LHCGR: variants seen among roughly 807,000 people sequenced by gnomAD.
LHCGR encodes the protein luteinizing hormone/choriogonadotropin receptor, also known as lutropin-choriogonadotropic hormone receptor.
LHCGR carries 55 observed loss-of-function variants against 60.7 expected under a neutral mutation model. The ratio of observed to expected loss-of-function variants is 0.91; its 90% CI spans 0.73 to 1.13. The LOEUF is 1.13. Among genes scored for constraint, LHCGR ranks in the 50% most tolerant of loss-of-function variants. The pLI is 0.00. For synonymous variants in LHCGR, 337 were observed against 316.5 expected, an observed-to-expected ratio of 1.06 and a Z score of -0.69; for missense variants, 862 against 836.0, an observed-to-expected ratio of 1.03 and a Z score of -0.38.
In LHCGR at chr2:48,687,973, C is replaced by G. The variant is rs1237575970; in HGVS notation, c.1824G>C (p.Leu608=). The G allele has an allele frequency of 6.2e-7, 1 of 1,614,046 alleles. No homozygotes were observed. Among genetic ancestry groups the G allele is most frequent in the African/African-American group, 1.3e-5 (1 of 75,000 alleles). ...AAGAATTGATGGGATAAAAAAGAACCAGTAAAACTTTAGAGTTGGTTACTG... is the reference window on the plus strand; with the variant it reads ...AAGAATTGATGGGATAAAAAAGAACGAGTAAAACTTTAGAGTTGGTTACTG... ...LITVTNSKVL[L]VLFYPINSCA... is the part of the protein sequence containing the mutation. Residue 608 remains leucine (L), a synonymous_variant, in exon 11 of 11, where the codon CTG becomes CTC. Transcript: ENST00000294954.
chr2:48,745,721 A>C (rs1365967959), intron 1 of LHCGR, among the ~76,000 whole-genome samples: 1 of 147,278 alleles, frequency 6.8e-6, no homozygotes, highest in Non-Finnish European at 1.5e-5. Context: ...GGGGAGGGAT[A>C]GCGTTGGGAG....
At chr2:48,725,573 A>G in intron 4 of LHCGR, 103 bp downstream of exon 4, 1 of 816,548 alleles carries the variant, frequency 1.2e-6, no homozygotes, top group South Asian at 1.4e-5. Context: ...AAATAGTGCC[A>G]TGTATATGGT....
intron 1 of LHCGR, among the ~76,000 whole-genome samples, chr2:48,740,812 C>T (rs985419849): frequency 4.6e-5 from 7 of 152,220 alleles, no homozygotes; most frequent in African/African-American, 1.7e-4. Context: ...AACGCAGTTT[C>T]TCACCAGCAA....
At chr2:48,708,268 C>T (rs1190090078) in intron 8 of LHCGR, among the ~76,000 whole-genome samples, 1 of 152,158 alleles carries the variant, frequency 6.6e-6, no homozygotes, top group African/African-American at 2.4e-5. Context: ...AACCAAGTGC[C>T]AGGGGCATGC....
chr2:48,722,074 C>A (rs539478550), intron 6 of LHCGR, among the ~76,000 whole-genome samples: 1 of 152,262 alleles, frequency 6.6e-6, no homozygotes, highest in African/African-American at 2.4e-5. Context: ...CACTTGAACC[C>A]AGGAGGCAGA....
intron 1 of LHCGR, among the ~76,000 whole-genome samples, chr2:48,733,694 G>A (rs1669100916): frequency 6.6e-6 from 1 of 152,096 alleles, no homozygotes; most frequent in African/African-American, 2.4e-5. Flanking sequence ...CACAACAGAT[G>A]TGTTCCCATG....
rs1244697101 is a variant in LHCGR, at chr2:48,755,622, A to C, written c.50T>G (p.Leu17Arg). The C allele has an allele frequency of 1.3e-6, 2 of 1,512,140 alleles. No individual in the cohort carries two copies. Among genetic ancestry groups the C allele is most frequent in the Non-Finnish European group, 8.9e-7 (1 of 1,127,362 alleles). 93.7% of individuals were successfully genotyped at this position (1,512,140 alleles called of 1,614,324 possible). A position where few individuals can be genotyped will look rare whatever the true frequency, so the allele number is the denominator to read the frequency against. ...CAGCGCTCGTGGCAGCGGCGGCTGC[A>C]GCAGCAGCAGCAGCTTCAGCAGCTG... ...ALQLLKLLLLLQPPLPRALRE... is the reference protein window; with the variant it reads ...ALQLLKLLLLRQPPLPRALRE... The change falls in exon 1 of 11, where the codon CTG (leucine) becomes CGG (arginine). Residue 17 changes from leucine (L) to arginine (R), a missense_variant. Leu to Arg is a moderately radical substitution (Grantham distance 102, BLOSUM62 -2). Coordinates refer to ENST00000294954, the MANE Select transcript of LHCGR (RefSeq NM_000233.4).
chr2:48,708,178 CT>C (rs1186192399), intron 8 of LHCGR, among the ~76,000 whole-genome samples: 1 of 152,154 alleles, frequency 6.6e-6, no homozygotes, highest in Non-Finnish European at 1.5e-5. Context: ...CCCATGTATC[CT>C]TTAAAACCCC....
At chr2:48,689,157 A>T (rs928928264) in intron 10 of LHCGR, among the ~76,000 whole-genome samples, 2 of 151,022 alleles carry the variant, frequency 1.3e-5, no homozygotes, top group African/African-American at 4.9e-5. Flanking sequence ...ATATACATAT[A>T]TACACACATA....
chr2:48,729,057 TC>T, intron 3 of LHCGR, 95 bp downstream of exon 3: 1 of 979,132 alleles, frequency 1.0e-6, no homozygotes, highest in Non-Finnish European at 1.6e-6. Context: ...CCTTTTGGAT[TC>T]CTAGCAGTGG....
intron 6 of LHCGR, among the ~76,000 whole-genome samples, chr2:48,722,204 G>T (rs922155548): frequency 4.6e-5 from 7 of 152,128 alleles, no homozygotes; most frequent in African/African-American, 1.7e-4. Context: ...GGCAGTGGAG[G>T]GCTCCCATGT....
At chr2:48,700,133 T>C (rs1327537541) in intron 8 of LHCGR, among the ~76,000 whole-genome samples, 7 of 152,188 alleles carry the variant, frequency 4.6e-5, no homozygotes, top group Non-Finnish European at 1.0e-4. Context: ...TCCCTGTTGA[T>C]TTAGGTAACC....
intron 8 of LHCGR, among the ~76,000 whole-genome samples, chr2:48,703,390 G>A (rs1667503901): frequency 6.6e-6 from 1 of 152,124 alleles, no homozygotes; most frequent in Admixed American, 6.5e-5. Flanking sequence ...TTTCTTCTAG[G>A]TTTTTATGTT....
intron 6 of LHCGR, among the ~76,000 whole-genome samples, chr2:48,716,853 C>G (rs1261814077): frequency 1.3e-5 from 2 of 152,168 alleles, no homozygotes; most frequent in Non-Finnish European, 2.9e-5. Context: ...AAAACTTTCT[C>G]CTCCATCCAC....
chr2:48,746,112 A>G (rs1669695528), intron 1 of LHCGR, among the ~76,000 whole-genome samples: 1 of 152,216 alleles, frequency 6.6e-6, no homozygotes, highest in Non-Finnish European at 1.5e-5. Context: ...TGAAGACTCA[A>G]TAAGTATTTT....
chr2:48,729,204 A>G lies in LHCGR; in HGVS notation c.257T>C (p.Leu86Pro), dbSNP rs750340960. 4 of 1,610,840 alleles carry G rather than the reference A, an allele frequency of 2.5e-6. No individual in the cohort carries two copies. The highest frequency in any genetic ancestry group is 3.4e-6 in the Non-Finnish European group (4 of 1,178,178). Residue 86 changes from leucine (L) to proline (P), a missense_variant, in exon 3 of 11, where the codon CTG (leucine) becomes CCG (proline). By Grantham distance (98) the Leu-to-Pro change is moderately conservative. Coordinates refer to ENST00000294954, the MANE Select transcript of LHCGR (RefSeq NM_000233.4). ...AAAGGCATTAGCTTCTATCCTTTCC[A>G]GGGAATCAATCTGAGAGATTTCACT... is the stretch of plus-strand genomic sequence containing the variant. ...IKIEISQIDSLERIEANAFDN... is the reference protein window; with the variant it reads ...IKIEISQIDSPERIEANAFDN...
chr2:48,711,846 C>A (rs1216756814), intron 7 of LHCGR, among the ~76,000 whole-genome samples: 1 of 152,170 alleles, frequency 6.6e-6, no homozygotes, highest in Non-Finnish European at 1.5e-5. Flanking sequence ...TTCCAGCCTT[C>A]CGTCCTTCCT....
chr2:48,722,373 G>A (rs1331262891), intron 6 of LHCGR, among the ~76,000 whole-genome samples: 2 of 152,158 alleles, frequency 1.3e-5, no homozygotes, highest in East Asian at 1.9e-4. Context: ...GTAGGTCTGC[G>A]GTGAGCTATT....
intron 1 of LHCGR, among the ~76,000 whole-genome samples, chr2:48,738,273 C>T (rs562047279): frequency 2.6e-5 from 4 of 152,150 alleles, no homozygotes; most frequent in Admixed American, 6.5e-5. Flanking sequence ...AGATGCCATG[C>T]GTGAACATTT....
Sources: allele counts gnomAD v4.1 joint callset (sites outside exome capture counted in the v4.1 genomes callset), GRCh38; gene constraint gnomAD v4.1.1; transcripts MANE v1.5; gene names NCBI Gene and HGNC (gene_info 2026-07-23, HGNC 2026-07-21).